Variants in GOLT1A observed in about 807,000 individuals in gnomAD.
GOLT1A encodes the protein golgi transport 1A, also known as vesicle transport protein GOT1A.
GOLT1A carries 10 observed loss-of-function variants against 16.1 expected under a neutral mutation model. The observed-to-expected ratio is 0.62, with a 90% CI of 0.38 to 1.05. GOLT1A has a LOEUF of 1.05. Among genes scored for constraint, GOLT1A ranks in the 50% least tolerant of loss-of-function variants. GOLT1A has a pLI of 0.01. For synonymous variants in GOLT1A, 60 were observed against 67.9 expected, an observed-to-expected ratio of 0.88 and a Z score of 0.57; for missense variants, 137 against 165.7, an observed-to-expected ratio of 0.83 and a Z score of 0.95.
At chr1:204,208,833 C>T (rs1410044753) in intron 1 of GOLT1A, among the ~76,000 whole-genome samples, 7 of 152,010 alleles carry the variant, frequency 4.6e-5, no homozygotes, top group African/African-American at 1.4e-4. Flanking sequence ...ACCACCTGTT[C>T]CCCAAAAACC....
chr1:204,208,136 A>T (rs1659072814), intron 1 of GOLT1A, among the ~76,000 whole-genome samples: 1 of 152,154 alleles, frequency 6.6e-6, no homozygotes, highest in South Asian at 2.1e-4. Flanking sequence ...CTACCATTTC[A>T]TCCAGCAATC....
chr1:204,198,993 C>T (rs1658908142), intron 4 of GOLT1A: 1 of 583,480 alleles, frequency 1.7e-6, no homozygotes, highest in Middle Eastern at 4.6e-4. Flanking sequence ...GCGTCTGGAT[C>T]CCCTCTCCTC....
chr1:204,203,058 T>C, intron 1 of GOLT1A, 71 bp from the exon 2 acceptor site: 3 of 1,183,100 alleles, frequency 2.5e-6, no homozygotes, highest in South Asian at 1.3e-5. Context: ...ACTTCCCCCA[T>C]TGCCACAGGA....
At position 204,199,329 on chromosome 1, in the gene GOLT1A, G is replaced by A. The variant is rs569756844; in HGVS notation, c.297-71C>T. Reference sequence around the variant, plus strand: ...GAGAGGATAGAGGGCACGAGGCTGAGGTCCACTGAAAGGTTCAAGCTCTGG... The same window carrying A: ...GAGAGGATAGAGGGCACGAGGCTGAAGTCCACTGAAAGGTTCAAGCTCTGG... On this transcript the variant is annotated intron_variant, in intron 3 of 4. Transcript: ENST00000308302. The A allele has an allele frequency of 9.6e-6, 12 of 1,249,350 alleles. 1 individual carries two copies. The South Asian group carries it at 1.4e-4, about 15-fold the overall frequency. 77.4% of individuals were successfully genotyped at this position (1,249,350 alleles called of 1,614,324 possible).
intron 1 of GOLT1A, among the ~76,000 whole-genome samples, chr1:204,212,763 CAA>C (rs1659158579): frequency 6.6e-6 from 1 of 151,938 alleles, no homozygotes; most frequent in African/African-American, 2.4e-5. Flanking sequence ...CACCATAGCA[CAA>C]AACCAAGGTC....
intron 1 of GOLT1A, among the ~76,000 whole-genome samples, chr1:204,206,227 C>T (rs1659037180): frequency 6.6e-6 from 1 of 152,162 alleles, no homozygotes; most frequent in Non-Finnish European, 1.5e-5. Context: ...AACATAATTT[C>T]TCTCAACATA....
chr1:204,200,655 A>C (rs1447151153), intron 3 of GOLT1A, among the ~76,000 whole-genome samples: 6 of 152,084 alleles, frequency 3.9e-5, no homozygotes, highest in Non-Finnish European at 5.9e-5. Context: ...AATATGGAAT[A>C]AATAGATGGC....
intron 2 of GOLT1A, among the ~76,000 whole-genome samples, chr1:204,202,335 T>C (rs1304477336): frequency 6.6e-6 from 1 of 151,232 alleles, no homozygotes; most frequent in Non-Finnish European, 1.5e-5. Flanking sequence ...AACTCTCTGG[T>C]TTTCTTCCAG....
chr1:204,211,162 C>T (rs904858758), intron 1 of GOLT1A, among the ~76,000 whole-genome samples: 2 of 152,178 alleles, frequency 1.3e-5, no homozygotes, highest in African/African-American at 4.8e-5. Flanking sequence ...CCTGCACCCT[C>T]CCAGTCCTTC....
intron 1 of GOLT1A, among the ~76,000 whole-genome samples, chr1:204,209,324 C>T (rs1283209997): frequency 6.6e-6 from 1 of 152,178 alleles, no homozygotes. Context: ...CCTCACCACC[C>T]CATCCCTGAC....
chr1:204,198,954 T>C (rs1193652018), intron 4 of GOLT1A: 4 of 556,032 alleles, frequency 7.2e-6, no homozygotes, highest in South Asian at 4.7e-5. Context: ...CATAGCTACC[T>C]GCCTCTACAG....
chr1:204,200,155 C>G (rs559819814), intron 3 of GOLT1A, among the ~76,000 whole-genome samples: 1 of 151,802 alleles, frequency 6.6e-6, no homozygotes, highest in Non-Finnish European at 1.5e-5. Flanking sequence ...TATGGGTCTT[C>G]CCTACTAAAT....
At chr1:204,199,514 C>T (rs1658917861) in intron 3 of GOLT1A, among the ~76,000 whole-genome samples, 2 of 152,176 alleles carry the variant, frequency 1.3e-5, no homozygotes, top group South Asian at 4.1e-4. Flanking sequence ...AATTCCTTAA[C>T]TTCTCTGAAT....
chr1:204,204,697 C>T (rs1361197149), intron 1 of GOLT1A, among the ~76,000 whole-genome samples: 1 of 152,234 alleles, frequency 6.6e-6, no homozygotes, highest in Non-Finnish European at 1.5e-5. Flanking sequence ...CGGAATTATA[C>T]TGGATCACAT....
chr1:204,205,995 G>A (rs1016267983), intron 1 of GOLT1A, among the ~76,000 whole-genome samples: 13 of 152,126 alleles, frequency 8.5e-5, no homozygotes, highest in African/African-American at 3.1e-4. Context: ...GCTTGAACCC[G>A]GGAGGTGGAG....
chr1:204,203,395 C>T (rs1658992306), intron 1 of GOLT1A, among the ~76,000 whole-genome samples: 1 of 152,178 alleles, frequency 6.6e-6, no homozygotes, highest in African/African-American at 2.4e-5. Flanking sequence ...GCCCAGCCCA[C>T]ACTGCGCAGA....
rs1571670317 is a variant in GOLT1A, at chr1:204,198,379, G to C, written c.*79C>G. 1.5e-6 allele frequency: 2 copies of C among 1,315,590 alleles called. No individual in the cohort carries two copies. Among genetic ancestry groups the C allele is most frequent in the South Asian group, 2.4e-5 (2 of 84,574 alleles). 81.5% of individuals were successfully genotyped at this position (1,315,590 alleles called of 1,614,324 possible). A position where few individuals can be genotyped will look rare whatever the true frequency, so the allele number is the denominator to read the frequency against. On this transcript the variant is annotated 3_prime_UTR_variant, in exon 5 of 5. Transcript: ENST00000308302. ...TATGTCGGGGAGTGAGTCAGTGCAG[G>C]GGACTGAGGGGGTGGTTCCCATTCT...
chr1:204,206,850 T>G lies in GOLT1A; in HGVS notation c.26-3863A>C, dbSNP rs1659046596. On this transcript the variant is annotated intron_variant, in intron 1 of 4. Coordinates refer to ENST00000308302, the MANE Select transcript of GOLT1A (RefSeq NM_198447.2). ...TGTCCATTCTCCTGTTTATTCCTTC[T>G]TCTTCTGCAGCAGTGATTTGCTGGC... 2.0e-5 allele frequency among the ~76,000 whole-genome samples: 3 copies of G among 152,264 alleles called. No individual in the cohort carries two copies. The South Asian group carries it at 6.2e-4, about 32-fold the overall frequency.
In GOLT1A at chr1:204,201,868, G is replaced by A. The variant is rs966578906; in HGVS notation, c.118-57C>T. Reference sequence around the variant, plus strand: ...CCCACCAGCCCCCTGAGGAGTGAGGGACTTAGGCCTGGAGCCAGGCGGTGG... The same window carrying A: ...CCCACCAGCCCCCTGAGGAGTGAGGAACTTAGGCCTGGAGCCAGGCGGTGG... On this transcript the variant is annotated intron_variant, in intron 2 of 4. Transcript: ENST00000308302. The A allele has an allele frequency of 4.7e-6, 7 of 1,504,654 alleles. No homozygotes were observed. The African/African-American group carries it at 8.3e-5, about 18-fold the overall frequency. The allele number at this position is 1,504,654 out of a possible 1,614,324, so 93.2% of individuals were successfully genotyped here. A position where few individuals can be genotyped will look rare whatever the true frequency, so the allele number is the denominator to read the frequency against.
Sources: gnomAD v4.1 joint callset for allele counts (sites outside exome capture counted in the v4.1 genomes callset) on GRCh38, gnomAD v4.1.1 for gene constraint, MANE v1.5 for transcripts, NCBI Gene and HGNC (gene_info 2026-07-23, HGNC 2026-07-21) for gene names.